Variants in GRAMD1C observed in about 807,000 individuals in gnomAD.
The protein encoded by GRAMD1C is GRAM domain containing 1C, also known as protein Aster-C.
A neutral mutation model predicts 97.8 loss-of-function variants in GRAMD1C; 89 were observed. The observed-to-expected ratio is 0.91, with a 90% CI of 0.77 to 1.09. The LOEUF (loss-of-function observed/expected upper bound fraction) is 1.09. GRAMD1C is among the 50% of genes least tolerant of loss of function. The probability of loss-of-function intolerance (pLI) is 0.00; values close to 1 mark genes in which losing one functional copy is unlikely to be tolerated. For synonymous variants in GRAMD1C, 256 were observed against 267.0 expected (o/e 0.96, Z 0.40); for missense variants, 740 against 766.4 (o/e 0.97, Z 0.41).
At chr3:113,838,361 G>A (rs2566981), upstream of GRAMD1C, 148,796 of 152,520 alleles carry the variant, frequency 0.98, 72,706 homozygotes, top group East Asian at 1. Flanking sequence ...TGCCTGAGGT[G>A]GGGAGTTCGA....
rs761220271 is a variant in GRAMD1C, at chr3:113,938,079, T to G, written c.1634-7T>G. 2 of 1,444,494 alleles carry G rather than the reference T, an allele frequency of 1.4e-6. No individual in the cohort carries two copies. The highest frequency in any genetic ancestry group is 3.9e-5 in the Admixed American group (2 of 51,022). The allele number at this position is 1,444,494 out of a possible 1,614,324, so 89.5% of individuals were successfully genotyped here. Reference sequence around the variant, plus strand: ...TTCTAATGCAGCCTTTTTCTTGTGATCTACAGGAAAGAAAAAGGAAATGGA... The same window carrying G: ...TTCTAATGCAGCCTTTTTCTTGTGAGCTACAGGAAAGAAAAAGGAAATGGA... On this transcript the variant is annotated splice_region_variant and splice_polypyrimidine_tract_variant and intron_variant, in intron 14 of 17. Coordinates refer to ENST00000358160, the MANE Select transcript of GRAMD1C (RefSeq NM_017577.5).
chr3:113,887,090 T>G (rs1431070008), intron 6 of GRAMD1C, among the ~76,000 whole-genome samples: 2 of 110,370 alleles, frequency 1.8e-5, no homozygotes, highest in Non-Finnish European at 1.9e-5. Context: ...TTTTTGTTTT[T>G]TTTTTGTTTT....
At chr3:113,887,872 C>T (rs373253777) in intron 6 of GRAMD1C, among the ~76,000 whole-genome samples, 1 of 151,352 alleles carries the variant, frequency 6.6e-6, no homozygotes, top group African/African-American at 2.4e-5. Flanking sequence ...AATTGTATGC[C>T]AACAAATTAT....
In GRAMD1C at chr3:113,849,862, G is replaced by T. The variant is rs1385692856; in HGVS notation, c.174+5213G>T. On this transcript the variant is annotated intron_variant, in intron 2 of 17. Transcript: ENST00000358160. Reference sequence around the variant, plus strand: ...CAGAGGGGCTCCTCACTTCCCAGTAGGGGCGGCCGGGCAGAGGCGCCCCTC... The same window carrying T: ...CAGAGGGGCTCCTCACTTCCCAGTATGGGCGGCCGGGCAGAGGCGCCCCTC... Among the ~76,000 whole-genome samples, 9 of 152,182 alleles carry T rather than the reference G, an allele frequency of 5.9e-5. No individual in the cohort carries two copies. In the East Asian group the frequency reaches 1.8e-3, roughly 30 times the overall value.
At chr3:113,904,611 T>G (rs1041312034) in intron 8 of GRAMD1C, among the ~76,000 whole-genome samples, 9 of 70,930 alleles carry the variant, frequency 1.3e-4, no homozygotes, top group African/African-American at 3.6e-4. Context: ...AAAGAATCTG[T>G]TTTTTTTTTT....
intron 5 of GRAMD1C, among the ~76,000 whole-genome samples, chr3:113,881,361 TTGGCCAGGC>T (rs1157799006): frequency 1.3e-5 from 2 of 152,324 alleles, no homozygotes; most frequent in African/African-American, 4.8e-5. Context: ...TATCACCATG[TTGGCCAGGC>T]TGGCCTTGAG....
At chr3:113,860,740 C>A (rs374030813) in intron 2 of GRAMD1C, among the ~76,000 whole-genome samples, 3 of 151,988 alleles carry the variant, frequency 2.0e-5, no homozygotes, top group Non-Finnish European at 4.4e-5. Context: ...CCAAGGTGGG[C>A]AGATCACCTG....
chr3:113,857,566 C>T (rs558972844), intron 2 of GRAMD1C, among the ~76,000 whole-genome samples: 15 of 152,002 alleles, frequency 9.9e-5, no homozygotes, highest in East Asian at 7.7e-4. Flanking sequence ...TTAGTAGGGA[C>T]GGGGTTTCAC....
chr3:113,935,729 A>G (rs1937566842), intron 13 of GRAMD1C, among the ~76,000 whole-genome samples: 1 of 152,050 alleles, frequency 6.6e-6, no homozygotes, highest in Admixed American at 6.6e-5. Flanking sequence ...ATGAAACTCA[A>G]AAAAAATTAG....
At chr3:113,833,120 C>CTTTTTTTTTTTTTTTTTT (rs200062835) in intron 1 of GRAMD1C, among the ~76,000 whole-genome samples, 1 of 129,474 alleles carries the variant, frequency 7.7e-6, no homozygotes, top group Non-Finnish European at 1.6e-5. Flanking sequence ...TTCTTTCTTT[C>CTTTTTTTTTTTTTTTTTT]TTTTTTTTTT....
rs139708875 is a variant in GRAMD1C at position 113,854,499 on chromosome 3, G to A, written c.174+9850G>A. Among the ~76,000 whole-genome samples, 51 of 152,270 alleles carry A rather than the reference G, an allele frequency of 3.3e-4. 1 individual carries two copies. The highest frequency in any genetic ancestry group is 6.8e-3 in the Middle Eastern group (2 of 294). ...CCTTTCAAGGACAATGATCTACTGC[G>A]TTAGGTTGAGTTAGGTGCAACCTGA... On this transcript the variant is annotated intron_variant, in intron 2 of 17. Coordinates refer to ENST00000358160, the MANE Select transcript of GRAMD1C (RefSeq NM_017577.5).
At chr3:113,929,172 C>A (rs1323575300) in intron 10 of GRAMD1C, among the ~76,000 whole-genome samples, 4 of 152,200 alleles carry the variant, frequency 2.6e-5, no homozygotes, top group Non-Finnish European at 5.9e-5. Flanking sequence ...CACGAACGTT[C>A]ACCAATTTTA....
chr3:113,888,358 G>T (rs1393513844), intron 6 of GRAMD1C, among the ~76,000 whole-genome samples: 1 of 152,156 alleles, frequency 6.6e-6, no homozygotes, highest in East Asian at 1.9e-4. Flanking sequence ...GGAGATGTTG[G>T]TTAAAGGATA....
intron 3 of GRAMD1C, among the ~76,000 whole-genome samples, chr3:113,870,713 T>C (rs1013421866): frequency 1.3e-5 from 2 of 152,088 alleles, no homozygotes; most frequent in African/African-American, 4.8e-5. Flanking sequence ...AACCATTCAG[T>C]ATCCATAATA....
intron 2 of GRAMD1C, among the ~76,000 whole-genome samples, chr3:113,866,524 A>T (rs1934593617): frequency 6.6e-6 from 1 of 152,068 alleles, no homozygotes; most frequent in Non-Finnish European, 1.5e-5. Flanking sequence ...TTTACATTTA[A>T]TGTAGTTATA....
chr3:113,853,775 G>T (rs1029511411), intron 2 of GRAMD1C, among the ~76,000 whole-genome samples: 2 of 152,206 alleles, frequency 1.3e-5, no homozygotes, highest in Non-Finnish European at 2.9e-5. Context: ...GAATGTAAAG[G>T]TGTAGAGAAT....
intron 6 of GRAMD1C, among the ~76,000 whole-genome samples, chr3:113,892,551 G>C (rs1438754415): frequency 6.6e-6 from 1 of 152,166 alleles, no homozygotes; most frequent in Non-Finnish European, 1.5e-5. Flanking sequence ...TCTAATATTT[G>C]ACCTGGTGAA....
Position 113,945,532 on chromosome 3 carries a change from G to T in GRAMD1C, c.*54G>T. The T allele has an allele frequency of 1.1e-6, 1 of 914,900 alleles. No homozygotes were observed. The highest frequency in any genetic ancestry group is 1.4e-5 in the South Asian group (1 of 70,598). The allele number at this position is 914,900 out of a possible 1,614,324, so 56.7% of individuals were successfully genotyped here. ...ACTTGGAACTTAAAGAAAATACCTGGAAGAAAACCAGACGAATGAAGGATT... is the reference window on the plus strand; with the variant it reads ...ACTTGGAACTTAAAGAAAATACCTGTAAGAAAACCAGACGAATGAAGGATT... On this transcript the variant is annotated 3_prime_UTR_variant, in exon 18 of 18. Transcript: ENST00000358160.
intron 2 of GRAMD1C, among the ~76,000 whole-genome samples, chr3:113,865,670 C>T (rs970348870): frequency 4.6e-5 from 7 of 152,110 alleles, no homozygotes; most frequent in South Asian, 4.1e-4. Context: ...TCAAATATTG[C>T]ATCTACCTCA....
Sources: gnomAD v4.1 joint callset for allele counts (sites outside exome capture counted in the v4.1 genomes callset) on GRCh38, gnomAD v4.1.1 for gene constraint, MANE v1.5 for transcripts, NCBI Gene and HGNC (gene_info 2026-07-23, HGNC 2026-07-21) for gene names.